Variants in RHBDL2 observed in about 807,000 individuals in gnomAD.
RHBDL2 encodes the protein rhomboid like 2.
Under a neutral mutation model 31.7 loss-of-function variants are expected in RHBDL2, and 26 were observed. That is an observed-to-expected ratio of 0.82 (90% CI 0.60 to 1.14). The LOEUF (loss-of-function observed/expected upper bound fraction) is 1.14. RHBDL2 is among the 50% of genes most tolerant of loss of function. The pLI is 0.00. For synonymous variants in RHBDL2, 123 were observed against 127.2 expected (o/e 0.97, Z 0.22); for missense variants, 336 against 364.4 (o/e 0.92, Z 0.63).
chr1:38,890,730 C>T (rs891807824), intron 6 of RHBDL2, among the ~76,000 whole-genome samples: 9 of 151,112 alleles, frequency 6.0e-5, no homozygotes, highest in African/African-American at 2.2e-4. Context: ...GAGACAACCT[C>T]GCTCTGCTGC....
intron 4 of RHBDL2, among the ~76,000 whole-genome samples, chr1:38,900,688 C>T (rs189792249): frequency 3.3e-5 from 5 of 151,148 alleles, no homozygotes; most frequent in East Asian, 3.9e-4. Context: ...ATCATGCCAC[C>T]GCACTCCAGC....
Position 38,886,624 on chromosome 1 carries a change from C to T in RHBDL2, c.792G>A (p.Val264=). 1.2e-6 allele frequency: 2 copies of T among 1,605,322 alleles called. No homozygotes were observed. The highest frequency in any genetic ancestry group is 2.2e-5 in the East Asian group (1 of 44,624). ...GFAGMSIGYT[V]FSCFDKALLK... Reference sequence around the variant, plus strand: ...GCAGTGCTTTATCAAAGCAGCTAAACACCGTGTAGCCAATGGACATTCCAG... The same window carrying T: ...GCAGTGCTTTATCAAAGCAGCTAAATACCGTGTAGCCAATGGACATTCCAG... Residue 264 remains valine, a synonymous_variant, in exon 8 of 8, where the codon GTG becomes GTA. Coordinates refer to ENST00000372990, the MANE Select transcript of RHBDL2 (RefSeq NM_017821.5).
chr1:38,888,779 G>A (rs1642817450), intron 6 of RHBDL2, among the ~76,000 whole-genome samples: 1 of 148,866 alleles, frequency 6.7e-6, no homozygotes, highest in Non-Finnish European at 1.5e-5. Context: ...AAACTTAAGG[G>A]TGGGACTCAG....
At chr1:38,910,998 C>T (rs1224658884) in intron 4 of RHBDL2, among the ~76,000 whole-genome samples, 2 of 151,816 alleles carry the variant, frequency 1.3e-5, no homozygotes, top group East Asian at 1.9e-4. Context: ...AGGCTGGTCT[C>T]GAACTCCTGG....
chr1:38,889,286 A>G (rs9438977), intron 6 of RHBDL2, among the ~76,000 whole-genome samples: 61,443 of 151,742 alleles, frequency 0.4, 12,767 homozygotes, highest in Non-Finnish European at 0.45. Context: ...TAGAGACAGC[A>G]TTTCACCGTG....
chr1:38,911,391 C>T lies in RHBDL2; in HGVS notation c.439G>A (p.Gly147Ser), dbSNP rs776459561. 3.7e-6 allele frequency: 6 copies of T among 1,613,938 alleles called. No individual in the cohort carries two copies. The highest frequency in any genetic ancestry group is 5.1e-6 in the Non-Finnish European group (6 of 1,179,980). Residue 147 changes from glycine (G) to serine (S), a missense_variant, in exon 4 of 8, where the codon GGT becomes AGT. By Grantham distance (56) the Gly-to-Ser change is moderately conservative. Transcript: ENST00000372990. The part of the protein sequence containing the change: ...LGNLCMQLVL[G>S]IPLEMVHKGL... ...TTGTGGACCATTTCCAAGGGAATAC[C>T]CAAAACAAGCTGCATACAAAGATTC...
intron 3 of RHBDL2, among the ~76,000 whole-genome samples, chr1:38,912,280 A>AT (rs1353378425): frequency 6.6e-6 from 1 of 151,370 alleles, no homozygotes; most frequent in African/African-American, 2.4e-5. Flanking sequence ...TAATTTTTGT[A>AT]TTTTTAGTAG....
chr1:38,924,570 G>A (rs1419288917), intron 1 of RHBDL2, among the ~76,000 whole-genome samples: 1 of 151,772 alleles, frequency 6.6e-6, no homozygotes, highest in Non-Finnish European at 1.5e-5. Flanking sequence ...CTCCAGCCTG[G>A]GCGACAGAGC....
intron 3 of RHBDL2, among the ~76,000 whole-genome samples, chr1:38,911,918 C>T (rs1203232030): frequency 2.0e-5 from 3 of 151,442 alleles, no homozygotes; most frequent in African/African-American, 4.9e-5. Context: ...GCGATTCTCC[C>T]GCTTCAGCCT....
Position 38,919,290 on chromosome 1 carries a change from G to A in RHBDL2, c.-78C>T, listed in dbSNP as rs761584428. ...GGTGGCCCTAGGTCCTCAGGCTGCC[G>A]CTCTTCCCTGGGCTGTCTGGCGCAA... is the stretch of plus-strand genomic sequence containing the variant. On this transcript the variant is annotated 5_prime_UTR_variant, in exon 2 of 8. Coordinates refer to ENST00000372990, the MANE Select transcript of RHBDL2 (RefSeq NM_017821.5). The A allele has an allele frequency of 1.9e-5, 31 of 1,610,402 alleles. 2 individuals carry two copies. The highest frequency in any genetic ancestry group is 1.0e-4 in the Admixed American group (6 of 59,978).
intron 3 of RHBDL2, among the ~76,000 whole-genome samples, chr1:38,912,115 G>T (rs185200503): frequency 3.3e-5 from 5 of 152,132 alleles, no homozygotes; most frequent in African/African-American, 9.6e-5. Flanking sequence ...GTGATTACAA[G>T]CATGCGCCAC....
chr1:38,914,399 G>A (rs749906570), intron 3 of RHBDL2, among the ~76,000 whole-genome samples: 8 of 151,694 alleles, frequency 5.3e-5, no homozygotes, highest in South Asian at 2.1e-4. Context: ...ATGCCACCAC[G>A]CCCAGCTAGT....
intron 3 of RHBDL2, among the ~76,000 whole-genome samples, chr1:38,912,910 A>ATATATATATATGTGTGTGTGTGTG (rs1399583863): frequency 2.4e-5 from 1 of 41,392 alleles, no homozygotes; most frequent in African/African-American, 9.2e-5. Flanking sequence ...ATATATATAT[A>ATATATATATATGTGTGTGTGTGTG]TGTGTGTGTG....
chr1:38,936,990 C>T (rs1643518062), intron 1 of RHBDL2, among the ~76,000 whole-genome samples: 1 of 150,888 alleles, frequency 6.6e-6, no homozygotes, highest in African/African-American at 2.4e-5. Flanking sequence ...CCCTGTCACC[C>T]AGGCTGGAGT....
chr1:38,939,688 C>T (rs1377779695), intron 1 of RHBDL2, among the ~76,000 whole-genome samples: 2 of 151,868 alleles, frequency 1.3e-5, no homozygotes, highest in Non-Finnish European at 2.9e-5. Flanking sequence ...TACAGGTGCA[C>T]ACCACCACAC....
At chr1:38,894,680 T>C (rs572106980) in intron 5 of RHBDL2, among the ~76,000 whole-genome samples, 1 of 149,480 alleles carries the variant, frequency 6.7e-6, no homozygotes, top group East Asian at 2.0e-4. Flanking sequence ...GTAAAAAGCA[T>C]TTCTTTTCTT....
At chr1:38,902,493 C>T (rs1369062598) in intron 4 of RHBDL2, among the ~76,000 whole-genome samples, 7 of 149,926 alleles carry the variant, frequency 4.7e-5, no homozygotes, top group Non-Finnish European at 8.9e-5. Context: ...AATCTCAGGT[C>T]ACTGTAACCT....
At chr1:38,938,312 G>A (rs1331904920) in intron 1 of RHBDL2, among the ~76,000 whole-genome samples, 1 of 152,168 alleles carries the variant, frequency 6.6e-6, no homozygotes, top group Non-Finnish European at 1.5e-5. Flanking sequence ...ACCGCGCCCA[G>A]CCAAAATCTT....
chr1:38,915,425 C>T (rs1643219141), intron 3 of RHBDL2, 137 bp downstream of exon 3: 1 of 799,844 alleles, frequency 1.3e-6, no homozygotes, highest in African/African-American at 1.7e-5. Context: ...ACAGTGGGAG[C>T]AATACCTACC....
Sources: gnomAD v4.1 joint callset for allele counts (sites outside exome capture counted in the v4.1 genomes callset) on GRCh38, gnomAD v4.1.1 for gene constraint, MANE v1.5 for transcripts, NCBI Gene and HGNC (gene_info 2026-07-23, HGNC 2026-07-21) for gene names.